The following EPHA6 variants were observed in gnomAD, a reference collection of about 807,000 sequenced individuals.
EPHA6 encodes the protein EPH receptor A6.
Under a neutral mutation model 112.0 loss-of-function variants are expected in EPHA6, and 50 were observed. The observed-to-expected ratio is 0.45, with a 90% CI of 0.36 to 0.56. The LOEUF is 0.56. EPHA6 is among the 20% of genes least tolerant of loss of function. The probability of loss-of-function intolerance (pLI) is 0.00; values close to 1 mark genes in which losing one functional copy is unlikely to be tolerated. For synonymous variants in EPHA6, 529 were observed against 490.7 expected (o/e 1.08, Z -1.03); for missense variants, 1,280 against 1,417.4 (o/e 0.90, Z 1.56).
chr3:97,023,900 G>C (rs1194174840), intron 3 of EPHA6, among the ~76,000 whole-genome samples: 1 of 152,110 alleles, frequency 6.6e-6, no homozygotes, highest in Admixed American at 6.6e-5. Context: ...GCATTTTAAT[G>C]GAAGCAATAT....
chr3:97,233,658 A>G (rs1040714365), intron 4 of EPHA6, among the ~76,000 whole-genome samples: 13 of 152,168 alleles, frequency 8.5e-5, no homozygotes, highest in South Asian at 4.1e-4. Context: ...ATCATCAGTC[A>G]TTCCCATTAC....
intron 12 of EPHA6, among the ~76,000 whole-genome samples, chr3:97,594,461 A>C (rs1048175547): frequency 6.6e-6 from 1 of 152,208 alleles, no homozygotes; most frequent in African/African-American, 2.4e-5. Flanking sequence ...GCTTCTTAAA[A>C]AATGTATAGA....
chr3:97,533,905 A>C (rs1183892519), intron 11 of EPHA6, among the ~76,000 whole-genome samples: 1 of 152,150 alleles, frequency 6.6e-6, no homozygotes, highest in African/African-American at 2.4e-5. Flanking sequence ...AACTGCTATT[A>C]GATAGCTATA....
intron 12 of EPHA6, among the ~76,000 whole-genome samples, chr3:97,595,061 C>G (rs1481793116): frequency 6.6e-6 from 1 of 152,202 alleles, no homozygotes; most frequent in Non-Finnish European, 1.5e-5. Flanking sequence ...TCACGTCACA[C>G]TGTGCTATTA....
At chr3:97,194,763 A>G (rs1215251156) in intron 3 of EPHA6, among the ~76,000 whole-genome samples, 1 of 150,758 alleles carries the variant, frequency 6.6e-6, no homozygotes, top group Non-Finnish European at 1.5e-5. Flanking sequence ...GGGTTCGTAT[A>G]TATTTACAAC....
At chr3:96,971,953 A>G (rs1214266764) in intron 2 of EPHA6, among the ~76,000 whole-genome samples, 1 of 152,180 alleles carries the variant, frequency 6.6e-6, no homozygotes, top group Non-Finnish European at 1.5e-5. Context: ...TTGAGAACAT[A>G]TTATACAAAA....
At chr3:97,348,942 A>C (rs1476291764) in intron 5 of EPHA6, among the ~76,000 whole-genome samples, 1 of 152,102 alleles carries the variant, frequency 6.6e-6, no homozygotes, top group Admixed American at 6.6e-5. Flanking sequence ...GACAATTATC[A>C]GAAATAATTA....
chr3:97,183,925 C>G (rs2077055818), intron 3 of EPHA6, among the ~76,000 whole-genome samples: 1 of 152,070 alleles, frequency 6.6e-6, no homozygotes, highest in Non-Finnish European at 1.5e-5. Context: ...CTGTGTTACA[C>G]TTTAAATTTC....
chr3:97,707,209 T>G, intron 14 of EPHA6, among the ~76,000 whole-genome samples: 1 of 152,174 alleles, frequency 6.6e-6, no homozygotes, highest in Non-Finnish European at 1.5e-5. Context: ...CTTTCCTAAT[T>G]CATCCCAAGT....
intron 5 of EPHA6, among the ~76,000 whole-genome samples, chr3:97,330,231 G>T (rs1207119068): frequency 2.1e-4 from 32 of 151,980 alleles, no homozygotes; most frequent in African/African-American, 3.6e-4. Flanking sequence ...CCTTGTAGTA[G>T]AGTTTGAAGT....
chr3:97,519,967 A>ATTTT (rs570022502), intron 10 of EPHA6, among the ~76,000 whole-genome samples: 15 of 133,736 alleles, frequency 1.1e-4, no homozygotes, highest in African/African-American at 3.3e-4. Flanking sequence ...TTTGGATGCA[A>ATTTT]TTTTTTTTTT....
At chr3:97,196,794 G>A (rs1421917968) in intron 3 of EPHA6, among the ~76,000 whole-genome samples, 3 of 151,872 alleles carry the variant, frequency 2.0e-5, no homozygotes, top group African/African-American at 4.8e-5. Context: ...GTATTACCAG[G>A]AAGAGATTCT....
chr3:97,611,894 G>A (rs1171013974), intron 13 of EPHA6, among the ~76,000 whole-genome samples: 1 of 151,206 alleles, frequency 6.6e-6, no homozygotes, highest in African/African-American at 2.4e-5. Flanking sequence ...CTTGGTTCTG[G>A]GCCCTCTTCT....
intron 14 of EPHA6, among the ~76,000 whole-genome samples, chr3:97,697,367 C>T (rs1215419857): frequency 3.9e-5 from 6 of 152,016 alleles, no homozygotes; most frequent in Non-Finnish European, 7.4e-5. Context: ...GGAGCCTCAG[C>T]CAAAATTGAG....
chr3:97,055,834 A>G (rs2317752), intron 3 of EPHA6, among the ~76,000 whole-genome samples: 1 of 152,156 alleles, frequency 6.6e-6, no homozygotes, highest in African/African-American at 2.4e-5. Flanking sequence ...TGAAAAGCTT[A>G]GTACCTAAAA....
intron 14 of EPHA6, among the ~76,000 whole-genome samples, chr3:97,649,438 T>G (rs1251823665): frequency 1.3e-5 from 2 of 151,738 alleles, no homozygotes; most frequent in African/African-American, 4.8e-5. Flanking sequence ...TCTACTAACA[T>G]AGAAAAAGCT....
intron 6 of EPHA6, among the ~76,000 whole-genome samples, chr3:97,406,183 G>A (rs946634158): frequency 3.3e-5 from 5 of 152,148 alleles, no homozygotes; most frequent in African/African-American, 7.2e-5. Flanking sequence ...TGAAGAAATA[G>A]AGGGCAAGAG....
rs528360049 is a variant in EPHA6, at chr3:96,905,406, C to T, written c.450+38517C>T. 7.3e-5 allele frequency among the ~76,000 whole-genome samples: 11 copies of T among 151,688 alleles called. No homozygotes were observed. In the East Asian group the frequency reaches 1.9e-3, roughly 27 times the overall value. ...TTATTAGTCTTATTATGGAATTTTT[C>T]ACTCCGTGGCACTTGGCTTGATCAT... On this transcript the variant is annotated intron_variant, in intron 2 of 17. Coordinates refer to ENST00000389672, the MANE Select transcript of EPHA6 (RefSeq NM_001080448.3).
chr3:96,837,200 G>A (rs180994251), intron 1 of EPHA6, among the ~76,000 whole-genome samples: 1 of 152,084 alleles, frequency 6.6e-6, no homozygotes, highest in Non-Finnish European at 1.5e-5. Context: ...CATAGCTTCT[G>A]TAACTGAAAA....
Sources: gnomAD v4.1 joint callset for allele counts (sites outside exome capture counted in the v4.1 genomes callset) on GRCh38, gnomAD v4.1.1 for gene constraint, MANE v1.5 for transcripts, NCBI Gene and HGNC (gene_info 2026-07-23, HGNC 2026-07-21) for gene names.